The following SETBP1 variants were observed in gnomAD, a reference collection of about 807,000 sequenced individuals.
The protein encoded by SETBP1 is SET binding protein 1.
SETBP1 carries 9 observed loss-of-function variants against 101.0 expected under a neutral mutation model. The observed-to-expected ratio is 0.09, with a 90% confidence interval of 0.05 to 0.16. SETBP1 has a LOEUF of 0.16. Among genes scored for constraint, SETBP1 ranks in the 10% least tolerant of loss-of-function variants. The pLI is 1.00. For missense variants in SETBP1, 1,858 were observed against 2,033.8 expected, an observed-to-expected ratio of 0.91 and a Z score of 1.66; for synonymous variants, 818 against 788.5, an observed-to-expected ratio of 1.04 and a Z score of -0.63.
intron 3 of SETBP1, among the ~76,000 whole-genome samples, chr18:44,922,564 T>C (rs1223188964): frequency 6.6e-6 from 1 of 152,238 alleles, no homozygotes; most frequent in Non-Finnish European, 1.5e-5. Flanking sequence ...TCCTGCTTCC[T>C]GCTCTCCCAA....
chr18:45,010,587 G>T (rs1568026166), intron 4 of SETBP1, among the ~76,000 whole-genome samples: 1 of 152,180 alleles, frequency 6.6e-6, no homozygotes, highest in Non-Finnish European at 1.5e-5. Context: ...ATAATGCTGA[G>T]GCAGCACGTA....
chr18:44,832,037 G>A (rs373743200), intron 2 of SETBP1, among the ~76,000 whole-genome samples: 349 of 152,300 alleles, frequency 2.3e-3, no homozygotes, highest in African/African-American at 7.6e-3. Flanking sequence ...TTATTAAATA[G>A]GTTGATTTTT....
At chr18:45,008,075 C>T (rs2072766452) in intron 4 of SETBP1, among the ~76,000 whole-genome samples, 1 of 152,130 alleles carries the variant, frequency 6.6e-6, no homozygotes, top group Non-Finnish European at 1.5e-5. Flanking sequence ...ATCAACAGCC[C>T]TCCAGTATAT....
intron 3 of SETBP1, among the ~76,000 whole-genome samples, chr18:44,885,871 A>C (rs2361049): frequency 1.4e-5 from 2 of 145,154 alleles, no homozygotes; most frequent in African/African-American, 5.1e-5. Flanking sequence ...AAAAAAAACA[A>C]GGTGACTTAC....
At chr18:44,689,310 G>A (rs1355843281) in intron 1 of SETBP1, among the ~76,000 whole-genome samples, 1 of 152,152 alleles carries the variant, frequency 6.6e-6, no homozygotes, top group East Asian at 1.9e-4. Context: ...TGAAGATGAA[G>A]GTCAGAAGGC....
intron 2 of SETBP1, among the ~76,000 whole-genome samples, chr18:44,753,668 T>G (rs919565260): frequency 6.6e-6 from 1 of 152,188 alleles, no homozygotes; most frequent in Non-Finnish European, 1.5e-5. Flanking sequence ...TAGGTGAGCA[T>G]GAGTTTCATG....
chr18:44,976,029 G>A (rs192321787), intron 4 of SETBP1, among the ~76,000 whole-genome samples: 60 of 151,540 alleles, frequency 4.0e-4, no homozygotes, highest in African/African-American at 1.4e-3. Context: ...AGCAGACTGT[G>A]CATGTATATT....
At chr18:44,822,166 T>C (rs1180214658) in intron 2 of SETBP1, among the ~76,000 whole-genome samples, 1 of 152,240 alleles carries the variant, frequency 6.6e-6, no homozygotes, top group Non-Finnish European at 1.5e-5. Flanking sequence ...ACGAATTCCA[T>C]GTCTGATTTA....
chr18:45,039,145 G>A (rs931825255), intron 5 of SETBP1, among the ~76,000 whole-genome samples: 1 of 152,180 alleles, frequency 6.6e-6, no homozygotes, highest in Non-Finnish European at 1.5e-5. Flanking sequence ...TTGCTCATCA[G>A]GGTTGAAAGA....
chr18:45,036,434 T>C (rs1172171484), intron 4 of SETBP1, among the ~76,000 whole-genome samples: 1 of 152,150 alleles, frequency 6.6e-6, no homozygotes, highest in Non-Finnish European at 1.5e-5. Flanking sequence ...TATTTGGATG[T>C]GTCGCTTTAC....
chr18:44,861,872 G>T (rs1344047261), intron 2 of SETBP1, among the ~76,000 whole-genome samples: 1 of 152,148 alleles, frequency 6.6e-6, no homozygotes, highest in East Asian at 1.9e-4. Context: ...AGTTTTAAAG[G>T]GGTGGGACAA....
chr18:44,902,163 T>C (rs2070062588), intron 3 of SETBP1, among the ~76,000 whole-genome samples: 1 of 152,162 alleles, frequency 6.6e-6, no homozygotes, highest in South Asian at 2.1e-4. Flanking sequence ...TGCAGGTGTG[T>C]AATAGTGCCA....
rs985348320 is a variant in SETBP1 at position 44,876,586 on chromosome 18, G to A, written c.540+7303G>A. On this transcript the variant is annotated intron_variant, in intron 3 of 5. Coordinates refer to ENST00000649279, the MANE Select transcript of SETBP1 (RefSeq NM_015559.3). ...CTAGATTAAAGACTCCAGTAAGGAG[G>A]AAGTCTGGAAGAGAAGAGGAGGCCA... 7 of 1,550,886 alleles carry A rather than the reference G, an allele frequency of 4.5e-6. No individual in the cohort carries two copies. The African/African-American group carries it at 9.6e-5, about 21-fold the overall frequency.
chr18:44,956,518 C>T (rs1377638318), intron 4 of SETBP1, among the ~76,000 whole-genome samples: 1 of 152,196 alleles, frequency 6.6e-6, no homozygotes, highest in African/African-American at 2.4e-5. Flanking sequence ...GCACTTTCTA[C>T]AACTTCTCTC....
intron 4 of SETBP1, among the ~76,000 whole-genome samples, chr18:44,962,593 G>A (rs938287423): frequency 3.3e-5 from 5 of 152,146 alleles, no homozygotes; most frequent in Admixed American, 1.3e-4. Context: ...TGGGAGTTAT[G>A]CACTTAATGA....
Position 44,818,569 on chromosome 18 carries a change from A to G in SETBP1, c.487-50661A>G, listed in dbSNP as rs147505194. On this transcript the variant is annotated intron_variant, in intron 2 of 5. Coordinates refer to ENST00000649279, the MANE Select transcript of SETBP1 (RefSeq NM_015559.3). ...GTTTAATGTCTTAACTCCCACTCCC[A>G]TCCCCCATCCATATTAACTACCTTT... Among the ~76,000 whole-genome samples the G allele has an allele frequency of 4.3e-3, 660 of 152,178 alleles. 2 individuals carry two copies. The highest frequency in any genetic ancestry group is 0.015 in the African/African-American group (638 of 41,506).
chr18:45,058,379 C>T (rs528925814), intron 5 of SETBP1, among the ~76,000 whole-genome samples: 153 of 152,326 alleles, frequency 1.0e-3, no homozygotes, highest in African/African-American at 3.6e-3. Flanking sequence ...CTCCTCCCCC[C>T]ACACTAAGAT....
intron 1 of SETBP1, among the ~76,000 whole-genome samples, chr18:44,690,552 T>G (rs559919767): frequency 7.2e-5 from 11 of 152,344 alleles, no homozygotes; most frequent in African/African-American, 2.6e-4. Context: ...CTTCCTCAAT[T>G]TATAAATGGT....
chr18:45,016,585 T>C (rs1175312414), intron 4 of SETBP1, among the ~76,000 whole-genome samples: 1 of 152,214 alleles, frequency 6.6e-6, no homozygotes, highest in Non-Finnish European at 1.5e-5. Flanking sequence ...TTTTCAGATT[T>C]ATTTGAACAA....
Sources: allele counts gnomAD v4.1 joint callset (sites outside exome capture counted in the v4.1 genomes callset), GRCh38; gene constraint gnomAD v4.1.1; transcripts MANE v1.5; gene names NCBI Gene and HGNC (gene_info 2026-07-23, HGNC 2026-07-21).